The following SLC5A6 variants were observed in gnomAD, a reference collection of about 807,000 sequenced individuals.
SLC5A6 encodes sodium-dependent multivitamin transporter.
A neutral mutation model predicts 67.9 loss-of-function variants in SLC5A6; 31 were observed. The ratio of observed to expected loss-of-function variants is 0.46; its 90% CI spans 0.34 to 0.62. The LOEUF is 0.62. Among genes scored for constraint, SLC5A6 ranks in the 20% least tolerant of loss-of-function variants. The pLI, the probability that SLC5A6 is intolerant of heterozygous loss-of-function variation, is 0.01. For missense variants in SLC5A6, 673 were observed against 812.8 expected, an observed-to-expected ratio of 0.83 and a Z score of 2.09; for synonymous variants, 343 against 331.0, an observed-to-expected ratio of 1.04 and a Z score of -0.39.
At chr2:27,206,138 CCAGGGGAGAAGCCCTGGTAGG>C (rs763378219) in intron 5 of SLC5A6, 45 bp from the exon 6 acceptor site, 2 of 1,575,484 alleles carry the variant, frequency 1.3e-6, no homozygotes, top group Non-Finnish European at 1.7e-6. Flanking sequence ...AAAGGGTTCC[CCAGGGGAGAAGCCCTGGTAGG>C]GCAATCACGT....
chr2:27,211,982 C>T, intron 1 of SLC5A6, 38 bp downstream of exon 1: 1 of 581,946 alleles, frequency 1.7e-6, no homozygotes, highest in Non-Finnish European at 2.8e-6. Flanking sequence ...CCCCTGCCCG[C>T]CCCCTGCCCG....
intron 14 of SLC5A6, 97 bp from the exon 15 acceptor site, chr2:27,201,550 A>T: frequency 7.5e-7 from 1 of 1,341,294 alleles, no homozygotes; most frequent in Non-Finnish European, 1.1e-6. Context: ...GGGTCTTGGG[A>T]CCCAATACCC....
rs747165711 is a variant in SLC5A6 at position 27,207,469 on chromosome 2, A to T, written c.182T>A (p.Met61Lys). Residue 61 changes from methionine to lysine, a missense_variant, in exon 3 of 17, where the codon ATG becomes AAG. Transcript: ENST00000310574. This position sits in a 1 kb window ranked among gnomAD's most constrained non-coding sequence, Gnocchi z 5.5. Reference sequence around the variant, plus strand: ...AAGGCAGCCCATTTTGCGGTCCGCCATCAGCAGCTCACCAACAGTATGCCG... The same window carrying T: ...AAGGCAGCCCATTTTGCGGTCCGCCTTCAGCAGCTCACCAACAGTATGCCG... ...WGRHTVGELLMADRKMGCLPV... is the reference protein window; with the variant it reads ...WGRHTVGELLKADRKMGCLPV... 6.8e-6 allele frequency: 11 copies of T among 1,614,124 alleles called. No homozygotes were observed. In the East Asian group the frequency reaches 2.4e-4, roughly 36 times the overall value.
At chr2:27,212,409 C>T, upstream of SLC5A6, 4 of 1,552,518 alleles carry the variant, frequency 2.6e-6, no homozygotes, top group Non-Finnish European at 3.5e-6. Flanking sequence ...ACCCTGGTGC[C>T]CTGGGCTGCC....
Position 27,202,849 on chromosome 2 carries a change from C to T in SLC5A6, c.1239G>A (p.Met413Ile). 6.2e-7 allele frequency: 1 copy of T among 1,614,042 alleles called. No homozygotes were observed. ...GTCCCATCTGGGAGGAAATATAGGC[C>T]ATTCCTAGACAAAGCAGCCCATAGC... is the stretch of plus-strand genomic sequence containing the variant. ...AFGYGLLCLGMAYISSQMGPV... is the reference protein window; with the variant it reads ...AFGYGLLCLGIAYISSQMGPV... The change falls in exon 12 of 17, where the codon ATG becomes ATA. Residue 413 changes from methionine (M) to isoleucine (I), a missense_variant. Coordinates refer to ENST00000310574, the MANE Select transcript of SLC5A6 (RefSeq NM_021095.4).
At position 27,207,003 on chromosome 2, in the gene SLC5A6, T is replaced by C. The variant is rs1195979584; in HGVS notation, c.394-61A>G. 6 of 1,385,152 alleles carry C rather than the reference T, an allele frequency of 4.3e-6. No homozygotes were observed. Among genetic ancestry groups the C allele is most frequent in the South Asian group, 1.2e-5 (1 of 86,348 alleles). The allele number at this position is 1,385,152 out of a possible 1,614,324, so 85.8% of individuals were successfully genotyped here. On this transcript the variant is annotated intron_variant, in intron 3 of 16. Coordinates refer to ENST00000310574, the MANE Select transcript of SLC5A6 (RefSeq NM_021095.4). The surrounding 1 kb of genome is among the most constrained non-coding windows in gnomAD (Gnocchi z 5.5). ...TCACCCCGACAACTCACAGACAAAT[T>C]CCCTCAAGATGCTCAGGAACATGAG...
rs772308444 is a variant in SLC5A6, at chr2:27,207,351, C to T, written c.300G>A (p.Trp100Ter). ...SEIYRFGTQY[W>*]FLGCCYFLGL... Reference sequence around the variant, plus strand: ...CCAGAAAGTAGCAGCAGCCCAGGAACCAATATTGGGTCCCAAATCGGTAGA... The same window carrying T: ...CCAGAAAGTAGCAGCAGCCCAGGAATCAATATTGGGTCCCAAATCGGTAGA... Residue 100 changes from tryptophan to a stop codon, truncating the protein, a stop_gained, in exon 3 of 17, where the codon TGG becomes TGA. Transcript: ENST00000310574. LOFTEE classifies it high-confidence loss of function. This position sits in a 1 kb window ranked among gnomAD's most constrained non-coding sequence, Gnocchi z 5.5. 1.2e-6 allele frequency: 2 copies of T among 1,614,184 alleles called. No homozygotes were observed. Among genetic ancestry groups the T allele is most frequent in the South Asian group, 2.2e-5 (2 of 91,084 alleles).
At position 27,207,583 on chromosome 2, in the gene SLC5A6, G is replaced by T; in HGVS notation, c.68C>A (p.Thr23Asn). 1 of 1,614,244 alleles carries T rather than the reference G, an allele frequency of 6.2e-7. No homozygotes were observed. Among genetic ancestry groups the T allele is most frequent in the African/African-American group, 1.3e-5 (1 of 75,076 alleles). The change falls in exon 3 of 17, where the codon ACC (threonine) becomes AAC (asparagine). Residue 23 changes from threonine (T) to asparagine (N), a missense_variant. Transcript: ENST00000310574. The surrounding 1 kb of genome is among the most constrained non-coding windows in gnomAD (Gnocchi z 5.5). ...PTSGTSVGMS[T>N]FSIMDYVVFV... ...CACCACATAGTCCATGATGGAGAAG[G>T]TAGACATGCCCACGCTTGTGCCCGA...
chr2:27,205,306 G>T, intron 7 of SLC5A6, 44 bp downstream of exon 7: 1 of 1,592,990 alleles, frequency 6.3e-7, no homozygotes, highest in Non-Finnish European at 8.6e-7. Context: ...TGGGCTCAGC[G>T]CCCAGGCACT....
chr2:27,202,162 C>A, intron 12 of SLC5A6, 88 bp from the exon 13 acceptor site: 1 of 896,240 alleles, frequency 1.1e-6, no homozygotes, highest in South Asian at 1.4e-5. Context: ...CCAGCCATGA[C>A]CTTGGAGCCC....
intron 12 of SLC5A6, 31 bp from the exon 13 acceptor site, chr2:27,202,105 A>G: frequency 1.3e-6 from 2 of 1,517,922 alleles, no homozygotes; most frequent in Non-Finnish European, 1.8e-6. Flanking sequence ...GAAAAGGAAA[A>G]AGAACACAGA....
At chr2:27,203,650 A>G (rs1673820289) in intron 10 of SLC5A6, 129 bp downstream of exon 10, 1 of 728,792 alleles carries the variant, frequency 1.4e-6, no homozygotes, top group African/African-American at 1.7e-5. Flanking sequence ...TGTCATGCAC[A>G]CAGATGGGGC....
intron 12 of SLC5A6, 129 bp from the exon 13 acceptor site, chr2:27,202,203 CA>C: frequency 1.3e-6 from 1 of 741,432 alleles, no homozygotes; most frequent in Non-Finnish European, 2.4e-6. Flanking sequence ...TCTGTGGGAA[CA>C]ATCAGAACTC....
chr2:27,210,022 G>A (rs1245225838), intron 2 of SLC5A6, among the ~76,000 whole-genome samples: 1 of 152,202 alleles, frequency 6.6e-6, no homozygotes, highest in Non-Finnish European at 1.5e-5. Context: ...GGAGTAAGAG[G>A]AAAGAAGAGG....
chr2:27,212,353 A>G, upstream of SLC5A6: 1 of 1,550,216 alleles, frequency 6.5e-7, no homozygotes, highest in Middle Eastern at 1.7e-4. Flanking sequence ...GCAGCGGAGC[A>G]CCAAGGGAAC....
At chr2:27,204,978 G>T in intron 7 of SLC5A6, 47 bp from the exon 8 acceptor site, 1 of 1,603,978 alleles carries the variant, frequency 6.2e-7, no homozygotes, top group Non-Finnish European at 8.5e-7. Context: ...GAGAGACACA[G>T]CCTTCCTGCC....
In SLC5A6 at chr2:27,212,068, G is replaced by T. The variant is rs1393022800; in HGVS notation, c.-256C>A. On this transcript the variant is annotated 5_prime_UTR_variant, in exon 1 of 17. Coordinates refer to ENST00000310574, the MANE Select transcript of SLC5A6 (RefSeq NM_021095.4). ...GTTTCTGCGAAGCCGCGACCTCGGC[G>T]TCCGGACGCGGGGAACACCGGGCTG... 1.6e-6 allele frequency: 2 copies of T among 1,220,468 alleles called. No homozygotes were observed. Among genetic ancestry groups the T allele is most frequent in the Admixed American group, 3.6e-5 (1 of 28,038 alleles). The allele number at this position is 1,220,468 out of a possible 1,614,324, so 75.6% of individuals were successfully genotyped here. A position where few individuals can be genotyped will look rare whatever the true frequency, so the allele number is the denominator to read the frequency against.
upstream of SLC5A6, chr2:27,212,269 G>C (rs1438640604): frequency 3.9e-6 from 6 of 1,555,676 alleles, no homozygotes; most frequent in African/African-American, 1.4e-5. Flanking sequence ...CGACTGGACC[G>C]GGCCGCTTAG....
Position 27,212,114 on chromosome 2 carries a change from C to T in SLC5A6, c.-302G>A, listed in dbSNP as rs939467565. On this transcript the variant is annotated 5_prime_UTR_variant, in exon 1 of 17. Transcript: ENST00000310574. ...GGCTGAGGGAGTCTGCAGTCGGCTC[C>T]GGGAAGCCGCGCGGCGACGGGGGAG... 56 of 1,497,584 alleles carry T rather than the reference C, an allele frequency of 3.7e-5. No individual in the cohort carries two copies. The Middle Eastern group carries it at 1.9e-3, about 51-fold the overall frequency. 92.8% of individuals were successfully genotyped at this position (1,497,584 alleles called of 1,614,324 possible). A position where few individuals can be genotyped will look rare whatever the true frequency, so the allele number is the denominator to read the frequency against.
Sources: gnomAD v4.1 joint callset for allele counts (sites outside exome capture counted in the v4.1 genomes callset) on GRCh38, gnomAD v4.1.1 for gene constraint, Gnocchi (gnomAD v3.1) non-coding constraint, MANE v1.5 for transcripts, NCBI Gene and HGNC (gene_info 2026-07-23, HGNC 2026-07-21) for gene names.